Variants in GALNTL6 observed in about 807,000 individuals in gnomAD.
GALNTL6 encodes the protein polypeptide N-acetylgalactosaminyltransferase like 6, also known as polypeptide N-acetylgalactosaminyltransferase-like 6.
A neutral mutation model predicts 73.7 loss-of-function variants in GALNTL6; 46 were observed. The observed-to-expected ratio is 0.62, with a 90% CI of 0.49 to 0.80. The LOEUF is 0.80. Ranked by LOEUF, GALNTL6 falls within the 30% of genes least tolerant of loss-of-function variation. The probability of loss-of-function intolerance (pLI) is 0.00; values close to 1 mark genes in which losing one functional copy is unlikely to be tolerated. For missense variants in GALNTL6, 604 were observed against 755.0 expected (o/e 0.80, Z 2.34); for synonymous variants, 259 against 263.7 (o/e 0.98, Z 0.17).
intron 5 of GALNTL6, among the ~76,000 whole-genome samples, chr4:172,536,953 T>C (rs1050328349): frequency 6.6e-6 from 1 of 152,178 alleles, no homozygotes; most frequent in African/African-American, 2.4e-5. Flanking sequence ...GACTGCCCTA[T>C]TGAATTTCAG....
chr4:171,977,507 A>G (rs332963), intron 2 of GALNTL6, among the ~76,000 whole-genome samples: 148,693 of 151,806 alleles, frequency 0.98, 72,896 homozygotes, highest in Middle Eastern at 1. Flanking sequence ...TTCTCTCTGC[A>G]TCTTCACGTG....
intron 2 of GALNTL6, among the ~76,000 whole-genome samples, chr4:171,828,760 C>T (rs1734890066): frequency 6.6e-6 from 1 of 152,066 alleles, no homozygotes; most frequent in African/African-American, 2.4e-5. Flanking sequence ...GTAGCTGGGA[C>T]TACAGGCACA....
intron 2 of GALNTL6, among the ~76,000 whole-genome samples, chr4:172,102,287 A>G (rs1384299458): frequency 6.6e-6 from 1 of 152,210 alleles, no homozygotes; most frequent in Non-Finnish European, 1.5e-5. Flanking sequence ...TAACTCTCTT[A>G]TTTCTTACCC....
rs113994589 is a variant in GALNTL6, at chr4:172,182,216, C to G, written c.139-47440C>G. Among the ~76,000 whole-genome samples the G allele has an allele frequency of 4.4e-3, 672 of 152,208 alleles. 7 individuals are homozygous for G. The highest frequency in any genetic ancestry group is 0.015 in the African/African-American group (642 of 41,534). On this transcript the variant is annotated intron_variant, in intron 2 of 12. Coordinates refer to ENST00000506823, the MANE Select transcript of GALNTL6 (RefSeq NM_001034845.3). ...CCAACTTATGAGGGATGTGAAAGAC[C>G]TCTTCATGGAGAACTACAAACCACT...
intron 5 of GALNTL6, among the ~76,000 whole-genome samples, chr4:172,370,172 C>A (rs1742742757): frequency 6.6e-6 from 1 of 152,132 alleles, no homozygotes; most frequent in Admixed American, 6.5e-5. Context: ...GTGGAAGGGC[C>A]AGTGGGTCAA....
chr4:171,915,395 G>A (rs1737588507), intron 2 of GALNTL6, among the ~76,000 whole-genome samples: 2 of 152,102 alleles, frequency 1.3e-5, no homozygotes, highest in South Asian at 2.1e-4. Context: ...GTACGTAGGG[G>A]CTGAATGCAA....
intron 2 of GALNTL6, among the ~76,000 whole-genome samples, chr4:172,062,882 C>T (rs1731252663): frequency 6.6e-6 from 1 of 152,218 alleles, no homozygotes; most frequent in South Asian, 2.1e-4. Flanking sequence ...ACTCTACCTC[C>T]TTTCTGCTTC....
intron 5 of GALNTL6, among the ~76,000 whole-genome samples, chr4:172,474,109 T>G (rs1447356519): frequency 6.6e-6 from 1 of 152,174 alleles, no homozygotes; most frequent in Non-Finnish European, 1.5e-5. Flanking sequence ...GGATGAGTCC[T>G]TCATACTCCC....
intron 5 of GALNTL6, chr4:172,666,985 C>T (rs539424364): frequency 1.3e-5 from 2 of 152,334 alleles, no homozygotes; most frequent in Admixed American, 1.3e-4. Context: ...GGTGGACAAT[C>T]TAGTGCCACC....
At chr4:171,958,499 T>C (rs900936558) in intron 2 of GALNTL6, among the ~76,000 whole-genome samples, 1 of 152,172 alleles carries the variant, frequency 6.6e-6, no homozygotes, top group Admixed American at 6.5e-5. Flanking sequence ...GAGTCATTTC[T>C]ATGAGAAGAA....
At position 172,844,091 on chromosome 4, in the gene GALNTL6, T is replaced by A. The variant is rs144798822; in HGVS notation, c.923+30368T>A. On this transcript the variant is annotated intron_variant, in intron 7 of 12. Transcript: ENST00000506823. ...AAAAATAAATAAATAAAAATAATGG[T>A]TGACAGCTTGAATTGGGAGGAGACA... 3.8e-3 allele frequency among the ~76,000 whole-genome samples: 579 copies of A among 152,230 alleles called. 4 individuals are homozygous for A. Among genetic ancestry groups the A allele is most frequent in the African/African-American group, 0.013 (545 of 41,548 alleles).
intron 3 of GALNTL6, among the ~76,000 whole-genome samples, chr4:172,307,237 G>A (rs1030677042): frequency 1.3e-5 from 2 of 151,982 alleles, no homozygotes; most frequent in Admixed American, 6.6e-5. Flanking sequence ...TTTTTCATAT[G>A]TTTGATTCTG....
intron 2 of GALNTL6, among the ~76,000 whole-genome samples, chr4:172,207,823 C>T (rs985447689): frequency 6.6e-6 from 1 of 152,196 alleles, no homozygotes; most frequent in Non-Finnish European, 1.5e-5. Context: ...ATAACTTGCA[C>T]GCAGTAAGTA....
At chr4:172,365,296 T>C (rs1742516598) in intron 5 of GALNTL6, among the ~76,000 whole-genome samples, 1 of 152,096 alleles carries the variant, frequency 6.6e-6, no homozygotes, top group Admixed American at 6.5e-5. Context: ...GGAGGTTATC[T>C]TGGGGCTGGC....
intron 2 of GALNTL6, among the ~76,000 whole-genome samples, chr4:171,837,289 A>T (rs1422847151): frequency 6.6e-6 from 1 of 152,094 alleles, no homozygotes; most frequent in Non-Finnish European, 1.5e-5. Context: ...AAAATCTAGG[A>T]CGTAATCCAT....
At chr4:172,642,273 A>C (rs1392592698) in intron 5 of GALNTL6, among the ~76,000 whole-genome samples, 1 of 152,168 alleles carries the variant, frequency 6.6e-6, no homozygotes, top group African/African-American at 2.4e-5. Context: ...AGATATCTGC[A>C]CTTCCATATT....
At chr4:172,058,768 C>T (rs532767520) in intron 2 of GALNTL6, among the ~76,000 whole-genome samples, 3 of 152,242 alleles carry the variant, frequency 2.0e-5, no homozygotes, top group African/African-American at 7.2e-5. Flanking sequence ...AAATGGCAAT[C>T]TTACTTCCCT....
chr4:172,582,416 C>T (rs916934492), intron 5 of GALNTL6, among the ~76,000 whole-genome samples: 1 of 152,032 alleles, frequency 6.6e-6, no homozygotes, highest in Non-Finnish European at 1.5e-5. Flanking sequence ...CCACAGATAC[C>T]ATAATCTGTG....
At chr4:172,098,684 T>C (rs1033357482) in intron 2 of GALNTL6, among the ~76,000 whole-genome samples, 4 of 152,154 alleles carry the variant, frequency 2.6e-5, no homozygotes, top group African/African-American at 9.7e-5. Flanking sequence ...GGAAATCAGC[T>C]TGGGTTAAAT....
Sources: gnomAD v4.1 joint callset for allele counts (sites outside exome capture counted in the v4.1 genomes callset) on GRCh38, gnomAD v4.1.1 for gene constraint, MANE v1.5 for transcripts, NCBI Gene and HGNC (gene_info 2026-07-23, HGNC 2026-07-21) for gene names.